CASC3: variants seen among roughly 807,000 people sequenced by gnomAD.
The protein encoded by CASC3 is protein CASC3.
Under a neutral mutation model 80.5 loss-of-function variants are expected in CASC3, and 30 were observed. The observed-to-expected ratio is 0.37, with a 90% CI of 0.28 to 0.51. CASC3 has a LOEUF of 0.51. Ranked by LOEUF, CASC3 falls within the 20% of genes least tolerant of loss-of-function variation. The probability of loss-of-function intolerance (pLI) is 0.94; values close to 1 mark genes in which losing one functional copy is unlikely to be tolerated. For missense variants in CASC3, 824 were observed against 922.2 expected, an observed-to-expected ratio of 0.89 and a Z score of 1.38; for synonymous variants, 312 against 333.6, an observed-to-expected ratio of 0.94 and a Z score of 0.70.
In CASC3 at chr17:40,172,111, G is replaced by A. The variant is rs578262060; in HGVS notation, c.*1706G>A. The A allele has an allele frequency of 2.2e-4, 289 of 1,289,806 alleles. No individual in the cohort carries two copies. Among genetic ancestry groups the A allele is most frequent in the Admixed American group, 2.1e-4 (9 of 43,544 alleles). 79.9% of individuals were successfully genotyped at this position (1,289,806 alleles called of 1,614,324 possible). On this transcript the variant is annotated 3_prime_UTR_variant, in exon 14 of 14. Transcript: ENST00000264645. ...TGGTGTTTTTTGTTACTGTTTTAAA[G>A]GGTGCCCATTTGTGATCAGCATTGT...
In CASC3 at chr17:40,145,154, C is replaced by T. The variant is rs140825031; in HGVS notation, c.297+3547C>T. 4.0e-3 allele frequency among the ~76,000 whole-genome samples: 607 copies of T among 150,600 alleles called. 2 individuals are homozygous for T. The highest frequency in any genetic ancestry group is 0.014 in the African/African-American group (577 of 41,092). ...GGGATTACAGGCATGAGCCACCGTG[C>T]CCCCCATTTTTTTTGTTTTGTTTTG... On this transcript the variant is annotated intron_variant, in intron 3 of 13. Coordinates refer to ENST00000264645, the MANE Select transcript of CASC3 (RefSeq NM_007359.5).
At chr17:40,145,243 C>T (rs1988828857) in intron 3 of CASC3, among the ~76,000 whole-genome samples, 2 of 151,078 alleles carry the variant, frequency 1.3e-5, no homozygotes. Context: ...GCAATCTCGG[C>T]TCACTGCAGC....
At chr17:40,168,076 A>G (rs543843297) in intron 10 of CASC3, 127 bp from the exon 11 acceptor site, 6 of 1,278,988 alleles carry the variant, frequency 4.7e-6, no homozygotes, top group African/African-American at 4.4e-5. Flanking sequence ...TGCTTGGGCA[A>G]CAAGTTCCTC....
chr17:40,168,788 C>T (rs1989519070), intron 11 of CASC3: 1 of 265,720 alleles, frequency 3.8e-6, no homozygotes. Context: ...TGGCGTTTCA[C>T]CATGTTGGCC....
At chr17:40,165,627 CTAATA>C (rs768571055) in intron 7 of CASC3, among the ~76,000 whole-genome samples, 9 of 152,072 alleles carry the variant, frequency 5.9e-5, no homozygotes, top group Admixed American at 1.3e-4. Context: ...AAGATCTTCT[CTAATA>C]TATTTGAAAG....
At position 40,170,852 on chromosome 17, in the gene CASC3, T is replaced by G; in HGVS notation, c.*447T>G. On this transcript the variant is annotated 3_prime_UTR_variant, in exon 14 of 14. Transcript: ENST00000264645. ...ATTATTTTAATTTTTTCTCTTTGTT[T>G]CTGTTTCTTGCTCTCTCTCCCTGCC... The G allele has an allele frequency of 1.0e-6, 1 of 985,112 alleles. No homozygotes were observed. Among genetic ancestry groups the G allele is most frequent in the Non-Finnish European group, 1.2e-6 (1 of 829,532 alleles). The allele number at this position is 985,112 out of a possible 1,614,324, so 61.0% of individuals were successfully genotyped here. A position where few individuals can be genotyped will look rare whatever the true frequency, so the allele number is the denominator to read the frequency against.
At chr17:40,165,401 C>A (rs1453642646) in intron 7 of CASC3, among the ~76,000 whole-genome samples, 1 of 152,090 alleles carries the variant, frequency 6.6e-6, no homozygotes, top group African/African-American at 2.4e-5. Flanking sequence ...AGTGATGGGT[C>A]TTGCTATATT....
chr17:40,153,497 T>A (rs1419086548), intron 3 of CASC3, among the ~76,000 whole-genome samples: 1 of 152,212 alleles, frequency 6.6e-6, no homozygotes, highest in African/African-American at 2.4e-5. Context: ...TGTTTTCACT[T>A]CTTTTTGACT....
intron 3 of CASC3, among the ~76,000 whole-genome samples, chr17:40,154,104 C>CTTT (rs1989081259): frequency 1.0e-5 from 1 of 98,956 alleles, no homozygotes; most frequent in African/African-American, 4.6e-5. Flanking sequence ...TGATGCTGAG[C>CTTT]GTTTTTTTTT....
chr17:40,143,531 A>G (rs901797103), intron 3 of CASC3, among the ~76,000 whole-genome samples: 2 of 151,982 alleles, frequency 1.3e-5, no homozygotes, highest in South Asian at 4.2e-4. Flanking sequence ...AACTTATTGT[A>G]CATTTAAAAA....
Position 40,169,612 on chromosome 17 carries a change from T to TTCC in CASC3, c.2104_2106dup (p.Ser702dup). On this transcript the variant is annotated inframe_insertion, in exon 13 of 14. Transcript: ENST00000264645. ...TGTTATTTCAGGTTGTAAGCAGGGG[T>TTCC]TCCAGTTAATACAAGTTTCTGAATA... 1 of 1,596,296 alleles carries TTCC rather than the reference T, an allele frequency of 6.3e-7. No individual in the cohort carries two copies. The highest frequency in any genetic ancestry group is 1.1e-5 in the South Asian group (1 of 87,718).
At chr17:40,167,698 T>C (rs1338007947) in intron 9 of CASC3, 86 bp downstream of exon 9, 1 of 1,268,774 alleles carries the variant, frequency 7.9e-7, no homozygotes, top group Non-Finnish European at 1.1e-6. Flanking sequence ...GAATTTCTCT[T>C]CTGACCTCTT....
Position 40,170,562 on chromosome 17 carries a change from G to A in CASC3, c.*157G>A, listed in dbSNP as rs1989567827. ...AAACAGCTGAAAGAGGAGGACCCCT[G>A]CCTTCCTCTGAGGACAGGCTCTAGA... On this transcript the variant is annotated 3_prime_UTR_variant, in exon 14 of 14. Coordinates refer to ENST00000264645, the MANE Select transcript of CASC3 (RefSeq NM_007359.5). 2 of 985,624 alleles carry A rather than the reference G, an allele frequency of 2.0e-6. No homozygotes were observed. The highest frequency in any genetic ancestry group is 2.4e-6 in the Non-Finnish European group (2 of 829,974). The allele number at this position is 985,624 out of a possible 1,614,324, so 61.1% of individuals were successfully genotyped here. A position where few individuals can be genotyped will look rare whatever the true frequency, so the allele number is the denominator to read the frequency against.
chr17:40,162,999 T>C (rs1453465406), intron 6 of CASC3, 98 bp downstream of exon 6: 1 of 1,023,956 alleles, frequency 9.8e-7, no homozygotes, highest in Non-Finnish European at 1.5e-6. Flanking sequence ...GGCAGGAGGA[T>C]TGCTTGAGGC....
intron 3 of CASC3, 139 bp downstream of exon 3, chr17:40,141,746 TACAGA>T (rs2145148578): frequency 1.3e-6 from 1 of 773,242 alleles, no homozygotes; most frequent in East Asian, 2.5e-5. Flanking sequence ...GAAAAAGTGT[TACAGA>T]AGGTCTTGTT....
chr17:40,161,274 G>T (rs1989290762), intron 3 of CASC3, among the ~76,000 whole-genome samples: 1 of 152,166 alleles, frequency 6.6e-6, no homozygotes, highest in South Asian at 2.1e-4. Context: ...ACTGTGCCAG[G>T]CCAAAATAGG....
At chr17:40,147,440 AC>A (rs938022334) in intron 3 of CASC3, among the ~76,000 whole-genome samples, 1 of 151,976 alleles carries the variant, frequency 6.6e-6, no homozygotes, top group Non-Finnish European at 1.5e-5. Flanking sequence ...GGAGCCTGAG[AC>A]CCACCTGGGC....
chr17:40,161,038 G>A (rs1157434859), intron 3 of CASC3, among the ~76,000 whole-genome samples: 1 of 151,816 alleles, frequency 6.6e-6, no homozygotes, highest in Non-Finnish European at 1.5e-5. Context: ...GAAGTGCAGT[G>A]GCGCAGTCTC....
chr17:40,169,840 C>G (rs756191113), intron 13 of CASC3, among the ~76,000 whole-genome samples, 178 bp downstream of exon 13: 28 of 138,432 alleles, frequency 2.0e-4, no homozygotes, highest in Non-Finnish European at 4.0e-4. Flanking sequence ...ACTGCAACCT[C>G]CATCTCCTGA....
Sources: allele counts gnomAD v4.1 joint callset (sites outside exome capture counted in the v4.1 genomes callset), GRCh38; gene constraint gnomAD v4.1.1; transcripts MANE v1.5; gene names NCBI Gene and HGNC (gene_info 2026-07-23, HGNC 2026-07-21).